OFD1: variants seen among roughly 807,000 people sequenced by gnomAD.
The protein encoded by OFD1 is centriole and centriolar satellite protein OFD1.
Under a neutral mutation model 81.4 loss-of-function variants are expected in OFD1, and 12 were observed. The observed-to-expected ratio is 0.15, with a 90% confidence interval of 0.09 to 0.24. The LOEUF (loss-of-function observed/expected upper bound fraction) is 0.24. Among genes scored for constraint, OFD1 ranks in the 10% least tolerant of loss-of-function variants. The probability of loss-of-function intolerance (pLI) is 1.00; values close to 1 mark genes in which losing one functional copy is unlikely to be tolerated. For missense variants in OFD1, 685 were observed against 733.9 expected, an observed-to-expected ratio of 0.93 and a Z score of 0.77; for synonymous variants, 256 against 263.7, an observed-to-expected ratio of 0.97 and a Z score of 0.28.
At chrX:13,741,117 C>A (rs1046007284) in intron 5 of OFD1, among the ~76,000 whole-genome samples, 2 of 109,348 alleles carry the variant, frequency 1.8e-5, no homozygotes, top group African/African-American at 6.7e-5. Context: ...TCCAGCCTAG[C>A]GACAGAGCAA....
intron 11 of OFD1, among the ~76,000 whole-genome samples, chrX:13,754,565 C>T (rs895663815): frequency 9.1e-6 from 1 of 110,125 alleles, no homozygotes. Flanking sequence ...TACAGGTGTG[C>T]GCCACCATGC....
rs754003078 is a variant in OFD1 at position 13,746,604 on chromosome X, C to T, written c.654+149C>T. 5 of 764,597 alleles carry T rather than the reference C, an allele frequency of 6.5e-6. No individual in the cohort carries two copies. The East Asian group carries it at 1.4e-4, about 21-fold the overall frequency. The allele number at this position is 764,597 out of a possible 1,213,427, so 63.0% of individuals were successfully genotyped here. On this transcript the variant is annotated intron_variant, in intron 7 of 22. Transcript: ENST00000340096. ...GCAAATTTTTTTTTATTTCTGGTGA[C>T]ATTTGTTTATGCCTTTTGAGTGAAT... is the stretch of plus-strand genomic sequence containing the variant.
At chrX:13,767,898 T>TC (rs1452819761) in intron 20 of OFD1, 156 bp from the exon 21 acceptor site, 1 of 491,958 alleles carries the variant, frequency 2.0e-6, no homozygotes, top group South Asian at 3.2e-5. Flanking sequence ...ATATTTGTCT[T>TC]CCTTTGATGA....
At chrX:13,767,893 TG>T in intron 20 of OFD1, 160 bp from the exon 21 acceptor site, 1 of 475,760 alleles carries the variant, frequency 2.1e-6, no homozygotes, top group Non-Finnish European at 3.6e-6. Context: ...ATGACATATT[TG>T]TCTTCCTTTG....
the OFD1 span, among the ~76,000 whole-genome samples, chrX:13,725,826 G>A: frequency 8.9e-6 from 1 of 111,964 alleles, no homozygotes; most frequent in African/African-American, 3.2e-5. Flanking sequence ...AAAGGAGCAT[G>A]TTTGAACCCA....
At chrX:13,739,847 C>T in intron 5 of OFD1, 5 of 752,343 alleles carry the variant, frequency 6.6e-6, no homozygotes, top group Non-Finnish European at 7.8e-6. Flanking sequence ...GGGTTTCAGG[C>T]CATTGGTTAG....
At chrX:13,768,287 C>A in intron 21 of OFD1, 63 bp downstream of exon 21, 1 of 869,892 alleles carries the variant, frequency 1.1e-6, no homozygotes, top group Non-Finnish European at 1.7e-6. Context: ...CGTGGCTTAA[C>A]TTCTTGGGAC....
intron 3 of OFD1, among the ~76,000 whole-genome samples, chrX:13,738,447 G>C (rs1462361675): frequency 1.8e-5 from 2 of 112,231 alleles, no homozygotes; most frequent in East Asian, 5.5e-4. Context: ...TTTAATTACG[G>C]TTTTAAGGAC....
At chrX:13,722,100 T>C in the OFD1 span, 1 of 106,988 alleles carries the variant, frequency 9.3e-6, no homozygotes, top group South Asian at 4.0e-4. Context: ...GAGTTGAAAT[T>C]TGAACCAAGT....
At chrX:13,730,470 G>C (rs1294737250), upstream of OFD1, among the ~76,000 whole-genome samples, 2 of 112,025 alleles carry the variant, frequency 1.8e-5, no homozygotes, top group East Asian at 5.6e-4. Flanking sequence ...CTGTTGGTGG[G>C]AGTGTAAATT....
At chrX:13,767,945 C>A in intron 20 of OFD1, 109 bp from the exon 21 acceptor site, 3 of 756,786 alleles carry the variant, frequency 4.0e-6, no homozygotes, top group South Asian at 2.5e-5. Flanking sequence ...AGTCCTCTGG[C>A]ATACAGGCTG....
At chrX:13,746,630 C>A in intron 7 of OFD1, 150 bp from the exon 8 acceptor site, 1 of 686,313 alleles carries the variant, frequency 1.5e-6, no homozygotes. Context: ...TTGAGTGAAT[C>A]CTACAAATAG....
At chrX:13,770,191 T>C (rs2048272168), downstream of OFD1, among the ~76,000 whole-genome samples, 1 of 112,315 alleles carries the variant, frequency 8.9e-6, no homozygotes, top group Non-Finnish European at 1.9e-5. Context: ...TGTGATTTTA[T>C]CTAACCATTA....
chrX:13,750,892 A>G (rs973987595), intron 9 of OFD1, among the ~76,000 whole-genome samples: 1 of 112,791 alleles, frequency 8.9e-6, no homozygotes, highest in African/African-American at 3.2e-5. Context: ...GCACATAAGT[A>G]CACTTATTTG....
At chrX:13,769,887 T>C, downstream of OFD1, among the ~76,000 whole-genome samples, 1 of 112,101 alleles carries the variant, frequency 8.9e-6, no homozygotes, top group South Asian at 3.8e-4. Context: ...TCCCAGCCTC[T>C]AAAACTGTAA....
At chrX:13,746,603 A>G in intron 7 of OFD1, 148 bp downstream of exon 7, 1 of 764,767 alleles carries the variant, frequency 1.3e-6, no homozygotes, top group Non-Finnish European at 1.9e-6. Context: ...ATTTCTGGTG[A>G]CATTTGTTTA....
the OFD1 span, chrX:13,722,208 C>CAAAAAAAAAAAAAAAAAAAAAAAAAAA: frequency 8.3e-5 from 3 of 36,116 alleles, no homozygotes; most frequent in Non-Finnish European, 1.0e-4. Flanking sequence ...TAAGCAGCAG[C>CAAAAAAAAAAAAAAAAAAAAAAAAAAA]AAAAAAAAAA....
Position 13,769,099 on chromosome X carries a change from C to T in OFD1, c.3030C>T (p.Asp1010=). The T allele has an allele frequency of 8.4e-7, 1 of 1,193,637 alleles. No individual in the cohort carries two copies. Among genetic ancestry groups the T allele is most frequent in the Non-Finnish European group, 1.1e-6 (1 of 878,842 alleles). Residue 1010 remains aspartate (D), a synonymous_variant, in exon 23 of 23, where the codon GAC becomes GAT. Transcript: ENST00000340096. ...GCTTTTCTCATGAAGAACTAGACGACTCTTGGTAACCATGTTTGCTGCCCA... is the reference window on the plus strand; with the variant it reads ...GCTTTTCTCATGAAGAACTAGACGATTCTTGGTAACCATGTTTGCTGCCCA... The part of the protein sequence containing the change: ...LTGFSHEELD[D]SW
At chrX:13,716,737 A>G in the OFD1 span, 1 of 1,148,213 alleles carries the variant, frequency 8.7e-7, no homozygotes, top group Non-Finnish European at 1.2e-6. Flanking sequence ...GAGAATGCTG[A>G]CATTTCATTC....
Sources: allele counts gnomAD v4.1 joint callset (sites outside exome capture counted in the v4.1 genomes callset), GRCh38; gene constraint gnomAD v4.1.1; transcripts MANE v1.5; gene names NCBI Gene and HGNC (gene_info 2026-07-23, HGNC 2026-07-21).